CNIH1: variants seen among roughly 807,000 people sequenced by gnomAD.
CNIH1 encodes the protein cornichon family member 1.
Under a neutral mutation model 20.2 loss-of-function variants are expected in CNIH1, and 12 were observed. The ratio of observed to expected loss-of-function variants is 0.59; its 90% CI spans 0.38 to 0.96. The LOEUF (loss-of-function observed/expected upper bound fraction) is 0.96, where lower values mean the gene tolerates loss of function less well. CNIH1 is among the 40% of genes least tolerant of loss of function. CNIH1 has a pLI of 0.00. For missense variants in CNIH1, 152 were observed against 178.8 expected, an observed-to-expected ratio of 0.85 and a Z score of 0.85; for synonymous variants, 69 against 63.3, an observed-to-expected ratio of 1.09 and a Z score of -0.43.
intron 3 of CNIH1, among the ~76,000 whole-genome samples, 163 bp from the exon 4 acceptor site, chr14:54,430,567 A>G (rs1316521060): frequency 6.6e-6 from 1 of 152,204 alleles, no homozygotes; most frequent in Non-Finnish European, 1.5e-5. Flanking sequence ...TTAATTTTAA[A>G]AGTAGAGCCC....
Position 54,430,281 on chromosome 14 carries a change from T to C in CNIH1, c.387A>G (p.Ala129=), listed in dbSNP as rs1248571328. The part of the protein sequence containing the change: ...GWCKLAFYLL[A]FFYYLYGMIY... ...CTTACCCATATAGGTAGTAAAAAAA[T>C]GCTAGAAGATAAAAAGCTAATTTGC... Residue 129 remains alanine, a synonymous_variant, in exon 4 of 5, where the codon GCA becomes GCG. Coordinates refer to ENST00000216416, the MANE Select transcript of CNIH1 (RefSeq NM_005776.3). The C allele has an allele frequency of 1.2e-6, 2 of 1,614,076 alleles. No individual in the cohort carries two copies. Among genetic ancestry groups the C allele is most frequent in the Non-Finnish European group, 1.7e-6 (2 of 1,179,948 alleles).
chr14:54,433,172 G>A (rs1340616737), intron 2 of CNIH1, among the ~76,000 whole-genome samples: 2 of 152,108 alleles, frequency 1.3e-5, no homozygotes, highest in Non-Finnish European at 2.9e-5. Context: ...AGTTTCAGCC[G>A]AAGTATCTCC....
chr14:54,430,418 A>G lies in CNIH1; in HGVS notation c.264-14T>C. 1 of 1,609,456 alleles carries G rather than the reference A, an allele frequency of 6.2e-7. No homozygotes were observed. Among genetic ancestry groups the G allele is most frequent in the Non-Finnish European group, 8.5e-7 (1 of 1,177,790 alleles). On this transcript the variant is annotated splice_polypyrimidine_tract_variant and intron_variant, in intron 3 of 4. Coordinates refer to ENST00000216416, the MANE Select transcript of CNIH1 (RefSeq NM_005776.3). ...CTACTCATATACCTGGAATAAACAC[A>G]GTCTATTAGGCATTCAGAAAGGGCA...
chr14:54,436,898 T>C, intron 1 of CNIH1: 3 of 349,702 alleles, frequency 8.6e-6, no homozygotes, highest in Non-Finnish European at 1.7e-5. Flanking sequence ...TATAATGCCA[T>C]CGATATGGCT....
intron 1 of CNIH1, among the ~76,000 whole-genome samples, chr14:54,437,994 T>C (rs1007837413): frequency 4.8e-5 from 7 of 146,702 alleles, no homozygotes; most frequent in Non-Finnish European, 1.1e-4. Flanking sequence ...TTTTTTTTTT[T>C]CTTGAGACAG....
At position 54,424,648 on chromosome 14, in the gene CNIH1, T is replaced by C. The variant is rs370068649; in HGVS notation, c.*3166A>G. ...CACATACAACTTTATTTCCTTTCTA[T>C]GTAAATATTTGACATAGCTTCAAAA... On this transcript the variant is annotated 3_prime_UTR_variant, in exon 5 of 5. Transcript: ENST00000216416. The C allele has an allele frequency of 2.0e-5, 3 of 152,360 alleles. No individual in the cohort carries two copies. Among genetic ancestry groups the C allele is most frequent in the African/African-American group, 7.2e-5 (3 of 41,584 alleles). 9.4% of individuals were successfully genotyped at this position (152,360 alleles called of 1,614,324 possible).
rs889325058 is a variant in CNIH1, at chr14:54,425,195, T to G, written c.*2619A>C. ...CAGTAAAGTAACGGCTAAACAGACA[T>G]TTATTATGTTAGGGTTTTAATTCAG... On this transcript the variant is annotated 3_prime_UTR_variant, in exon 5 of 5. Transcript: ENST00000216416. The G allele has an allele frequency of 1.3e-5, 2 of 152,170 alleles. No individual in the cohort carries two copies. The highest frequency in any genetic ancestry group is 4.8e-5 in the African/African-American group (2 of 41,448). The allele number at this position is 152,170 out of a possible 1,614,324, so 9.4% of individuals were successfully genotyped here. A position where few individuals can be genotyped will look rare whatever the true frequency, so the allele number is the denominator to read the frequency against.
intron 2 of CNIH1, among the ~76,000 whole-genome samples, chr14:54,433,519 G>C (rs1405731859): frequency 6.6e-6 from 1 of 152,118 alleles, no homozygotes; most frequent in Admixed American, 6.5e-5. Context: ...TAACATTTAA[G>C]CCAGCATCTA....
At chr14:54,428,046 T>C (rs1357719138) in intron 4 of CNIH1, among the ~76,000 whole-genome samples, 1 of 152,198 alleles carries the variant, frequency 6.6e-6, no homozygotes, top group Non-Finnish European at 1.5e-5. Context: ...AGTTGTCCCC[T>C]ATTCCCTTCC....
intron 1 of CNIH1, chr14:54,436,876 A>T (rs147071162): frequency 0.022 from 8,887 of 401,964 alleles, 152 homozygotes; most frequent in South Asian, 0.042. Context: ...ATCTCCACAC[A>T]GCATGGGACT....
intron 2 of CNIH1, among the ~76,000 whole-genome samples, chr14:54,433,040 C>T (rs1319407380): frequency 1.3e-5 from 2 of 152,244 alleles, no homozygotes; most frequent in East Asian, 1.9e-4. Flanking sequence ...AAAATTAATT[C>T]GAGCAAAATG....
chr14:54,435,761 A>G (rs1449259700), intron 2 of CNIH1, among the ~76,000 whole-genome samples: 1 of 152,200 alleles, frequency 6.6e-6, no homozygotes, highest in Non-Finnish European at 1.5e-5. Flanking sequence ...CTACCTCACA[A>G]TAAGTCACAA....
At chr14:54,435,884 C>T (rs748030227) in intron 2 of CNIH1, among the ~76,000 whole-genome samples, 1 of 152,126 alleles carries the variant, frequency 6.6e-6, no homozygotes, top group Non-Finnish European at 1.5e-5. Context: ...AAAACGCATA[C>T]GCATTTAACA....
At chr14:54,431,160 G>A (rs2140001383) in intron 3 of CNIH1, among the ~76,000 whole-genome samples, 1 of 149,688 alleles carries the variant, frequency 6.7e-6, no homozygotes, top group South Asian at 2.1e-4. Context: ...ACAGAGTCTT[G>A]CTCTGTTGCC....
chr14:54,436,087 C>T (rs2031049380), intron 2 of CNIH1: 1 of 702,134 alleles, frequency 1.4e-6, no homozygotes, highest in African/African-American at 1.7e-5. Flanking sequence ...ACCTTTAATG[C>T]AATTTTGACT....
Position 54,432,146 on chromosome 14 carries a change from C to G in CNIH1, c.225G>C (p.Leu75=). Residue 75 remains leucine (L), a synonymous_variant, in exon 3 of 5, where the codon CTG becomes CTC. Transcript: ENST00000216416. ...ATGCCAAGAGGGGCATATTGAGACCCAGTGTAAGCCACTCTGCTGCACAAA... is the reference window on the plus strand; with the variant it reads ...ATGCCAAGAGGGGCATATTGAGACCGAGTGTAAGCCACTCTGCTGCACAAA... ...MFLCAAEWLT[L]GLNMPLLAYH... The G allele has an allele frequency of 6.4e-7, 1 of 1,564,436 alleles. No individual in the cohort carries two copies.
In CNIH1 at chr14:54,427,079, A is replaced by C. The variant is rs182483411; in HGVS notation, c.*735T>G. 1.2e-4 allele frequency: 19 copies of C among 152,130 alleles called. No homozygotes were observed. The highest frequency in any genetic ancestry group is 4.1e-4 in the African/African-American group (17 of 41,512). The allele number at this position is 152,130 out of a possible 1,614,324, so 9.4% of individuals were successfully genotyped here. A position where few individuals can be genotyped will look rare whatever the true frequency, so the allele number is the denominator to read the frequency against. ...GATTAGAACAGTAAGCATAATAACC[A>C]ATTTCTTAATAAGTAATGTCTTACA... On this transcript the variant is annotated 3_prime_UTR_variant, in exon 5 of 5. Transcript: ENST00000216416.
intron 4 of CNIH1, among the ~76,000 whole-genome samples, chr14:54,429,263 G>A (rs1361052596): frequency 6.6e-6 from 1 of 152,234 alleles, no homozygotes; most frequent in East Asian, 1.9e-4. Context: ...ATCTGGCAAT[G>A]TCCAGAGACA....
intron 1 of CNIH1, 106 bp from the exon 2 acceptor site, chr14:54,436,543 G>A (rs916744867): frequency 1.5e-5 from 10 of 661,026 alleles, no homozygotes; most frequent in South Asian, 7.2e-5. Context: ...AAGAACAAAA[G>A]TACACCAAGA....
Sources: allele counts gnomAD v4.1 joint callset (sites outside exome capture counted in the v4.1 genomes callset), GRCh38; gene constraint gnomAD v4.1.1; transcripts MANE v1.5; gene names NCBI Gene and HGNC (gene_info 2026-07-23, HGNC 2026-07-21).